SORCS2: variants seen among roughly 807,000 people sequenced by gnomAD.
SORCS2 encodes sortilin related VPS10 domain containing receptor 2, also known as VPS10 domain-containing receptor SorCS2.
In SORCS2, 100 loss-of-function variants were observed where a neutral mutation model predicts 141.6. That is an observed-to-expected ratio of 0.71 (90% confidence interval 0.60 to 0.83). The LOEUF (loss-of-function observed/expected upper bound fraction) is 0.83. Ranked by LOEUF, SORCS2 falls within the 40% of genes least tolerant of loss-of-function variation. The pLI, the probability that SORCS2 is intolerant of heterozygous loss-of-function variation, is 0.00. For missense variants in SORCS2, 1,646 were observed against 1,560.2 expected (o/e 1.05, Z -0.93); for synonymous variants, 789 against 676.9 (o/e 1.17, Z -2.57).
intron 1 of SORCS2, among the ~76,000 whole-genome samples, chr4:7,234,350 C>T (rs536724886): frequency 6.6e-6 from 1 of 152,318 alleles, no homozygotes; most frequent in South Asian, 2.1e-4. Context: ...TGAGTTCTCC[C>T]AGAAGTTTCC....
Position 7,729,698 on chromosome 4 carries a change from C to T in SORCS2, c.3094C>T (p.Leu1032Phe), listed in dbSNP as rs1333760339. Residue 1032 changes from leucine (L) to phenylalanine (F), a missense_variant, in exon 23 of 27, where the codon CTC (leucine) becomes TTC (phenylalanine). Transcript: ENST00000507866. ...PPPRPTRKRS[L>F]SSDKRLAAIQ... The stretch of plus-strand genomic sequence containing the variant: ...TCCCAGGCCCACAAGGAAGAGGAGC[C>T]TCTCGAGTGATAAGGTATGTCCTGT... The T allele has an allele frequency of 2.0e-5, 32 of 1,611,090 alleles. No individual in the cohort carries two copies. Among genetic ancestry groups the T allele is most frequent in the Non-Finnish European group, 2.6e-5 (31 of 1,178,796 alleles).
At chr4:7,300,167 G>A (rs1307430158) in intron 1 of SORCS2, among the ~76,000 whole-genome samples, 1 of 152,176 alleles carries the variant, frequency 6.6e-6, no homozygotes, top group Non-Finnish European at 1.5e-5. Context: ...GCCGAGCTGG[G>A]TTCTTGCACT....
At chr4:7,593,133 C>T (rs1257938835) in intron 3 of SORCS2, among the ~76,000 whole-genome samples, 1 of 152,148 alleles carries the variant, frequency 6.6e-6, no homozygotes. Context: ...CACCCCTGCA[C>T]TCCAGCCTGG....
chr4:7,369,440 C>T (rs972135545), intron 1 of SORCS2, among the ~76,000 whole-genome samples: 2 of 152,222 alleles, frequency 1.3e-5, no homozygotes, highest in African/African-American at 2.4e-5. Flanking sequence ...GCTGGTCTCT[C>T]CTAAGTACAT....
intron 4 of SORCS2, among the ~76,000 whole-genome samples, chr4:7,640,224 G>A (rs1277509947): frequency 1.6e-5 from 2 of 127,108 alleles, no homozygotes; most frequent in African/African-American, 3.0e-5. Flanking sequence ...GGGTGTGTAT[G>A]AGCGTGTGTG....
At chr4:7,501,494 C>T (rs975054279) in intron 2 of SORCS2, among the ~76,000 whole-genome samples, 10 of 141,880 alleles carry the variant, frequency 7.0e-5, no homozygotes, top group Non-Finnish European at 1.1e-4. Context: ...AGTTCCAGGG[C>T]GAAGGCACCA....
intron 3 of SORCS2, among the ~76,000 whole-genome samples, chr4:7,605,897 A>C (rs61646954): frequency 0.017 from 2,566 of 152,248 alleles, 89 homozygotes; most frequent in African/African-American, 0.059. Flanking sequence ...TCCAAAGCCC[A>C]CAGACAGTCC....
intron 1 of SORCS2, among the ~76,000 whole-genome samples, chr4:7,358,408 G>C (rs750850726): frequency 6.6e-6 from 1 of 152,218 alleles, no homozygotes; most frequent in Non-Finnish European, 1.5e-5. Flanking sequence ...TCACACTCCT[G>C]AGAGGCTGGC....
chr4:7,261,120 G>A (rs1714290803), intron 1 of SORCS2, among the ~76,000 whole-genome samples: 1 of 152,212 alleles, frequency 6.6e-6, no homozygotes, highest in Non-Finnish European at 1.5e-5. Context: ...GATGGGTGCT[G>A]GAACCAGCCT....
rs555220030 is a variant in SORCS2, at chr4:7,206,956, G to T, written c.480+13830G>T. The stretch of plus-strand genomic sequence containing the variant: ...TTTCCCAGGGGAGAGCAGGATTCGA[G>T]AAACCTGGGCTTTCTGACGGAAATG... On this transcript the variant is annotated intron_variant, in intron 1 of 26. Transcript: ENST00000507866. Among the ~76,000 whole-genome samples the T allele has an allele frequency of 7.2e-5, 11 of 152,282 alleles. No individual in the cohort carries two copies. In the South Asian group the frequency reaches 2.1e-3, roughly 29 times the overall value.
intron 5 of SORCS2, among the ~76,000 whole-genome samples, chr4:7,660,881 G>C (rs1373778193): frequency 6.6e-6 from 1 of 152,176 alleles, no homozygotes; most frequent in Non-Finnish European, 1.5e-5. Context: ...AGCACCAGGG[G>C]GAGGGCTGAT....
intron 2 of SORCS2, among the ~76,000 whole-genome samples, chr4:7,476,454 C>G (rs1363978101): frequency 6.6e-6 from 1 of 152,116 alleles, no homozygotes; most frequent in African/African-American, 2.4e-5. Context: ...GATAAGGCCT[C>G]ATGTTATTTT....
At chr4:7,396,139 A>C in intron 1 of SORCS2, 149 bp from the exon 2 acceptor site, 2 of 641,764 alleles carry the variant, frequency 3.1e-6, no homozygotes, top group Non-Finnish European at 2.7e-6. Flanking sequence ...GGTGGCCCAG[A>C]GCCTCTCAGG....
intron 2 of SORCS2, among the ~76,000 whole-genome samples, chr4:7,403,997 A>ATATATATATATTT (rs1265288820): frequency 5.3e-4 from 10 of 18,942 alleles, no homozygotes; most frequent in Admixed American, 1.6e-3. Flanking sequence ...ATATATATAT[A>ATATATATATATTT]TTTTTTTTTT....
chr4:7,554,864 C>T (rs192228384), intron 3 of SORCS2, among the ~76,000 whole-genome samples: 1 of 152,256 alleles, frequency 6.6e-6, no homozygotes, highest in Non-Finnish European at 1.5e-5. Context: ...AATGTAAAGG[C>T]ATATTGGAAC....
At chr4:7,567,350 T>C (rs2109697773) in intron 3 of SORCS2, among the ~76,000 whole-genome samples, 1 of 152,264 alleles carries the variant, frequency 6.6e-6, no homozygotes, top group South Asian at 2.1e-4. Flanking sequence ...GTAGTCATTA[T>C]GTCTGCTTCG....
At chr4:7,495,590 T>C (rs1731563391) in intron 2 of SORCS2, among the ~76,000 whole-genome samples, 1 of 152,142 alleles carries the variant, frequency 6.6e-6, no homozygotes, top group Non-Finnish European at 1.5e-5. Context: ...TTGTACATCA[T>C]GGAAATGAGC....
intron 2 of SORCS2, among the ~76,000 whole-genome samples, chr4:7,417,612 G>T (rs34515477): frequency 0.21 from 31,816 of 152,088 alleles, 3,717 homozygotes; most frequent in East Asian, 0.42. Context: ...GGGCAAAGGT[G>T]CTTTGTGAGG....
chr4:7,718,600 G>A (rs1374272040), intron 18 of SORCS2, among the ~76,000 whole-genome samples: 4 of 152,138 alleles, frequency 2.6e-5, no homozygotes, highest in African/African-American at 7.2e-5. Flanking sequence ...AGTTAAAAAC[G>A]CTATTACTTA....
Sources: allele counts gnomAD v4.1 joint callset (sites outside exome capture counted in the v4.1 genomes callset), GRCh38; gene constraint gnomAD v4.1.1; transcripts MANE v1.5; gene names NCBI Gene and HGNC (gene_info 2026-07-23, HGNC 2026-07-21).